Variants in SDK1 observed in about 807,000 individuals in gnomAD.
The protein encoded by SDK1 is protein sidekick-1.
A neutral mutation model predicts 245.5 loss-of-function variants in SDK1; 157 were observed. The observed-to-expected ratio is 0.64, with a 90% confidence interval of 0.56 to 0.73. The LOEUF (loss-of-function observed/expected upper bound fraction) is 0.73. SDK1 is among the 30% of genes least tolerant of loss of function. The pLI is 0.00. For synonymous variants in SDK1, 1,647 were observed against 1,278.5 expected (o/e 1.29, Z -6.15); for missense variants, 3,583 against 3,002.3 (o/e 1.19, Z -4.52).
intron 14 of SDK1, among the ~76,000 whole-genome samples, chr7:4,003,742 C>A (rs981149830): frequency 7.9e-5 from 12 of 152,246 alleles, no homozygotes. Context: ...GCTAGACTCT[C>A]AGCAGCACCT....
At chr7:4,178,289 T>A (rs897540155) in intron 34 of SDK1, among the ~76,000 whole-genome samples, 196 bp from the exon 35 acceptor site, 3 of 152,068 alleles carry the variant, frequency 2.0e-5, no homozygotes, top group African/African-American at 7.2e-5. Context: ...TGCTTAATGG[T>A]GGTGGGTGCT....
intron 5 of SDK1, among the ~76,000 whole-genome samples, chr7:3,920,419 G>A (rs1050844289): frequency 2.0e-4 from 30 of 152,094 alleles, no homozygotes; most frequent in Admixed American, 1.2e-3. Context: ...CAAGGTCAGC[G>A]GGATTTATGA....
chr7:3,777,507 A>G (rs1430112308), intron 4 of SDK1, among the ~76,000 whole-genome samples: 6 of 152,228 alleles, frequency 3.9e-5, no homozygotes, highest in Non-Finnish European at 7.3e-5. Context: ...AGCTGGAACC[A>G]GAACCCAGGC....
Position 4,132,031 on chromosome 7 carries a change from G to C in SDK1, c.4130-294G>C, listed in dbSNP as rs556674675. Among the ~76,000 whole-genome samples the C allele has an allele frequency of 3.3e-5, 5 of 152,140 alleles. No individual in the cohort carries two copies. The East Asian group carries it at 9.7e-4, about 29-fold the overall frequency. Reference sequence around the variant, plus strand: ...TAGTGACTGGTCTACTTGTGTCCTGGTAGGCTGGTTACACTCACACTATTC... The same window carrying C: ...TAGTGACTGGTCTACTTGTGTCCTGCTAGGCTGGTTACACTCACACTATTC... On this transcript the variant is annotated intron_variant, in intron 27 of 44. Transcript: ENST00000404826.
At chr7:3,402,629 G>A (rs1027483633) in intron 1 of SDK1, among the ~76,000 whole-genome samples, 1 of 152,034 alleles carries the variant, frequency 6.6e-6, no homozygotes, top group Non-Finnish European at 1.5e-5. Context: ...GTTCAGTTTT[G>A]TTGTTGCTTT....
intron 1 of SDK1, among the ~76,000 whole-genome samples, chr7:3,316,900 C>T (rs1439828521): frequency 6.6e-6 from 1 of 152,026 alleles, no homozygotes; most frequent in Non-Finnish European, 1.5e-5. Context: ...GTCTGGGGGT[C>T]TGGGTACTGT....
intron 7 of SDK1, among the ~76,000 whole-genome samples, chr7:3,952,583 C>G (rs1289739456): frequency 6.8e-6 from 1 of 147,082 alleles, no homozygotes; most frequent in Non-Finnish European, 1.5e-5. Flanking sequence ...AACTCCAACT[C>G]AAAAAAAAAA....
chr7:3,498,160 C>T (rs925167090), intron 1 of SDK1, among the ~76,000 whole-genome samples: 3 of 152,174 alleles, frequency 2.0e-5, no homozygotes, highest in African/African-American at 7.2e-5. Flanking sequence ...ATTCAGCCAA[C>T]TTCTTTTCTG....
chr7:4,050,973 T>C (rs1195143461), intron 18 of SDK1, among the ~76,000 whole-genome samples: 4 of 140,332 alleles, frequency 2.9e-5, no homozygotes, highest in African/African-American at 1.1e-4. Context: ...ATATATGTTA[T>C]ATATATGCTA....
chr7:3,593,667 G>A (rs1332649454), intron 1 of SDK1, among the ~76,000 whole-genome samples: 2 of 152,142 alleles, frequency 1.3e-5, no homozygotes, highest in Non-Finnish European at 2.9e-5. Flanking sequence ...ATCAACTGAT[G>A]GATGATTCCC....
intron 4 of SDK1, among the ~76,000 whole-genome samples, chr7:3,713,737 C>T (rs1037953348): frequency 1.3e-5 from 2 of 152,178 alleles, no homozygotes; most frequent in African/African-American, 4.8e-5. Flanking sequence ...AATGTACTCC[C>T]TTCAAAAGGA....
chr7:3,356,738 T>G (rs1176856756), intron 1 of SDK1, among the ~76,000 whole-genome samples: 2 of 152,096 alleles, frequency 1.3e-5, no homozygotes, highest in African/African-American at 2.4e-5. Context: ...ATTTTAGAGA[T>G]CCCTGCGTTC....
At chr7:3,917,499 C>G (rs10249617) in intron 5 of SDK1, among the ~76,000 whole-genome samples, 2 of 152,106 alleles carry the variant, frequency 1.3e-5, no homozygotes, top group African/African-American at 2.4e-5. Context: ...TCCCTGTGCT[C>G]AGGGGCATCA....
intron 14 of SDK1, among the ~76,000 whole-genome samples, chr7:4,010,687 C>T (rs766386048): frequency 3.3e-5 from 5 of 152,144 alleles, no homozygotes; most frequent in East Asian, 1.9e-4. Context: ...GAATTAGGGA[C>T]GTTTTGGTTC....
intron 25 of SDK1, among the ~76,000 whole-genome samples, chr7:4,114,606 C>T (rs994247346): frequency 6.6e-6 from 1 of 152,202 alleles, no homozygotes; most frequent in African/African-American, 2.4e-5. Flanking sequence ...ACAAGGTATT[C>T]AGGACCTTCT....
intron 39 of SDK1, among the ~76,000 whole-genome samples, chr7:4,220,670 C>T (rs912180913): frequency 2.0e-5 from 3 of 152,128 alleles, no homozygotes; most frequent in African/African-American, 4.8e-5. Flanking sequence ...GACAGGAAGG[C>T]GTGGGCTGCA....
intron 44 of SDK1, among the ~76,000 whole-genome samples, chr7:4,256,383 G>A (rs181791618): frequency 3.9e-5 from 6 of 152,348 alleles, no homozygotes; most frequent in African/African-American, 1.4e-4. Flanking sequence ...AGAAATGTGG[G>A]CTTTGGCCTG....
intron 4 of SDK1, among the ~76,000 whole-genome samples, chr7:3,747,855 G>C (rs1017000528): frequency 6.6e-6 from 1 of 152,150 alleles, no homozygotes; most frequent in African/African-American, 2.4e-5. Flanking sequence ...GGAGGCTGGA[G>C]CAGAGAGAGG....
At chr7:3,677,501 A>C (rs73300259) in intron 4 of SDK1, among the ~76,000 whole-genome samples, 3,139 of 152,248 alleles carry the variant, frequency 0.021, 107 homozygotes, top group African/African-American at 0.071. Flanking sequence ...TCCCATTTAT[A>C]AAAGCATCAG....
Sources: allele counts gnomAD v4.1 joint callset (sites outside exome capture counted in the v4.1 genomes callset), GRCh38; gene constraint gnomAD v4.1.1; transcripts MANE v1.5; gene names NCBI Gene and HGNC (gene_info 2026-07-23, HGNC 2026-07-21).